The following NAV2 variants were observed in gnomAD, a reference collection of about 807,000 sequenced individuals.
The protein encoded by NAV2 is helicase, APC down-regulated 1.
Under a neutral mutation model 223.2 loss-of-function variants are expected in NAV2, and 54 were observed. That is an observed-to-expected ratio of 0.24 (90% CI 0.19 to 0.30). The LOEUF is 0.30. NAV2 is among the 10% of genes least tolerant of loss of function. The pLI, the probability that NAV2 is intolerant of heterozygous loss-of-function variation, is 1.00. For missense variants in NAV2, 2,806 were observed against 3,147.5 expected, an observed-to-expected ratio of 0.89 and a Z score of 2.60; for synonymous variants, 1,279 against 1,239.3, an observed-to-expected ratio of 1.03 and a Z score of -0.67.
chr11:19,632,093 C>T (rs932508851), intron 1 of NAV2, among the ~76,000 whole-genome samples: 12 of 152,254 alleles, frequency 7.9e-5, no homozygotes, highest in African/African-American at 1.9e-4. Flanking sequence ...TATTACATGT[C>T]GCTTCAAAGG....
intron 1 of NAV2, among the ~76,000 whole-genome samples, chr11:19,728,429 GA>G (rs2051440708): frequency 6.6e-6 from 1 of 152,190 alleles, no homozygotes; most frequent in Admixed American, 6.5e-5. Context: ...AGGAGATTCT[GA>G]TGCACACCCT....
chr11:19,909,257 G>C (rs2043119989), intron 6 of NAV2, among the ~76,000 whole-genome samples: 1 of 152,056 alleles, frequency 6.6e-6, no homozygotes, highest in Admixed American at 6.6e-5. Flanking sequence ...AGTTCATATG[G>C]GATGGGACTG....
intron 3 of NAV2, among the ~76,000 whole-genome samples, chr11:19,857,860 AATT>A (rs1274620876): frequency 6.6e-6 from 1 of 152,028 alleles, no homozygotes; most frequent in Non-Finnish European, 1.5e-5. Context: ...CTCATTTTTT[AATT>A]ATTATTATTT....
chr11:19,862,261 T>C (rs2061835452), intron 3 of NAV2, among the ~76,000 whole-genome samples: 1 of 152,208 alleles, frequency 6.6e-6, no homozygotes, highest in Non-Finnish European at 1.5e-5. Flanking sequence ...GTTATAAATA[T>C]TATAAACAGT....
intron 11 of NAV2, among the ~76,000 whole-genome samples, chr11:20,004,741 C>A (rs2052883215): frequency 6.6e-6 from 1 of 152,160 alleles, no homozygotes; most frequent in Non-Finnish European, 1.5e-5. Context: ...ACTACACTGG[C>A]CTTGGTTGTT....
Position 19,533,755 on chromosome 11 carries a change from G to C in NAV2, c.75+182728G>C, listed in dbSNP as rs533920892. Among the ~76,000 whole-genome samples, 262 of 124,038 alleles carry C rather than the reference G, an allele frequency of 2.1e-3. 29 individuals carry two copies. The highest frequency in any genetic ancestry group is 0.011 in the African/African-American group (231 of 20,980). 81.4% of individuals were successfully genotyped at this position (124,038 alleles called of 152,430 possible). On this transcript the variant is annotated intron_variant, in intron 1 of 37. Transcript: ENST00000360655. ...GGAGTCTCGCTCTGTCGCCCAGGCT[G>C]GAGTGCAGTGGCGGGATCTCGGCTC...
rs146235602 is a variant in NAV2, at chr11:19,956,329, C to T, written c.2645+7249C>T. On this transcript the variant is annotated intron_variant, in intron 10 of 37. Coordinates refer to ENST00000349880, the MANE Select transcript of NAV2 (RefSeq NM_145117.5). ...TAGCCTAGACGCCACAGGTTAAGGG[C>T]TCAGTTCCACAAGATTACCACACCC... Among the ~76,000 whole-genome samples the T allele has an allele frequency of 1.6e-3, 236 of 152,100 alleles. 1 individual carries two copies. Among genetic ancestry groups the T allele is most frequent in the African/African-American group, 5.5e-3 (228 of 41,480 alleles).
At chr11:19,578,945 C>T (rs2045639829) in intron 1 of NAV2, among the ~76,000 whole-genome samples, 1 of 152,162 alleles carries the variant, frequency 6.6e-6, no homozygotes. Flanking sequence ...CCCAAGATTA[C>T]TCAGCTAGTA....
At chr11:20,099,489 C>T (rs1221732861) in intron 31 of NAV2, among the ~76,000 whole-genome samples, 23 of 152,194 alleles carry the variant, frequency 1.5e-4, no homozygotes, top group Admixed American at 1.5e-3. Context: ...TGGAGCGTGC[C>T]ACCCCTCTGC....
chr11:20,053,874 G>A (rs1468674006), intron 17 of NAV2, among the ~76,000 whole-genome samples: 1 of 152,118 alleles, frequency 6.6e-6, no homozygotes, highest in Admixed American at 6.5e-5. Context: ...CAAACTGAAA[G>A]GGAGTAGTCA....
At chr11:20,001,805 A>G (rs1481787351) in intron 11 of NAV2, among the ~76,000 whole-genome samples, 10 of 152,102 alleles carry the variant, frequency 6.6e-5, no homozygotes, top group African/African-American at 2.4e-4. Context: ...GTATACATAT[A>G]TAACAAACCT....
At chr11:19,947,932 A>C (rs2047061962) in intron 9 of NAV2, among the ~76,000 whole-genome samples, 1 of 152,072 alleles carries the variant, frequency 6.6e-6, no homozygotes. Flanking sequence ...TGGTATTAGG[A>C]ACTCCCGGTG....
In NAV2 at chr11:19,949,000, C is replaced by T; in HGVS notation, c.2565C>T (p.Gly855=). The change falls in exon 10 of 38, where the codon GGC becomes GGT. Residue 855 remains glycine, a synonymous_variant. Transcript: ENST00000349880. ...CAGGAGATGAGATGGACCTGGAAGG[C>T]ATCAGCATGGATGCCCCCGGCTACA... is the stretch of plus-strand genomic sequence containing the variant. ...DKAGDEMDLE[G]ISMDAPGYMS... The T allele has an allele frequency of 6.2e-7, 1 of 1,613,866 alleles. No individual in the cohort carries two copies. Among genetic ancestry groups the T allele is most frequent in the Non-Finnish European group, 8.5e-7 (1 of 1,179,800 alleles).
rs559355234 is a variant in NAV2, at chr11:19,758,261, T to C, written c.267+44299T>C. On this transcript the variant is annotated intron_variant, in intron 1 of 37. Coordinates refer to ENST00000349880, the MANE Select transcript of NAV2 (RefSeq NM_145117.5). Reference sequence around the variant, plus strand: ...AGTGTGAAGGAACCAGGTGATGTAATACCTAAGCACAGTAATTTCAAGTAA... The same window carrying C: ...AGTGTGAAGGAACCAGGTGATGTAACACCTAAGCACAGTAATTTCAAGTAA... Among the ~76,000 whole-genome samples, 82 of 152,170 alleles carry C rather than the reference T, an allele frequency of 5.4e-4. 1 individual carries two copies. The highest frequency in any genetic ancestry group is 3.2e-3 in the Middle Eastern group (1 of 316).
At chr11:19,709,990 T>C (rs74558037), upstream of NAV2, among the ~76,000 whole-genome samples, 884 of 152,306 alleles carry the variant, frequency 5.8e-3, 10 homozygotes, top group African/African-American at 0.02. Flanking sequence ...GAAATGCTCA[T>C]GTTTACCAAT....
intron 1 of NAV2, among the ~76,000 whole-genome samples, chr11:19,456,204 A>T (rs1304630883): frequency 2.0e-5 from 3 of 152,222 alleles, no homozygotes; most frequent in Non-Finnish European, 4.4e-5. Flanking sequence ...AAGAGCGTGC[A>T]TTTAAAGGAT....
At chr11:19,973,993 T>C (rs541624704) in intron 10 of NAV2, among the ~76,000 whole-genome samples, 1 of 152,256 alleles carries the variant, frequency 6.6e-6, no homozygotes. Context: ...TAACAACTTT[T>C]ATCAAGCCTT....
chr11:19,600,642 C>A (rs1293423392), intron 1 of NAV2, among the ~76,000 whole-genome samples: 3 of 152,154 alleles, frequency 2.0e-5, no homozygotes, highest in Non-Finnish European at 4.4e-5. Flanking sequence ...GGGCGGGTTT[C>A]TTAGCTTCCT....
chr11:19,463,018 G>T (rs183415400), intron 1 of NAV2, among the ~76,000 whole-genome samples: 1 of 152,344 alleles, frequency 6.6e-6, no homozygotes, highest in East Asian at 1.9e-4. Flanking sequence ...AGCTGAAAGA[G>T]CAATAGCTAT....
Sources: allele counts gnomAD v4.1 joint callset (sites outside exome capture counted in the v4.1 genomes callset), GRCh38; gene constraint gnomAD v4.1.1; transcripts MANE v1.5; gene names NCBI Gene and HGNC (gene_info 2026-07-23, HGNC 2026-07-21).